Variants in TBCK observed in about 807,000 individuals in gnomAD.
TBCK encodes TBC1 domain containing kinase, also known as TBC domain-containing protein kinase-like protein.
Under a neutral mutation model 113.4 loss-of-function variants are expected in TBCK, and 99 were observed. The ratio of observed to expected loss-of-function variants is 0.87; its 90% confidence interval spans 0.74 to 1.03. TBCK has a LOEUF of 1.03. Ranked by LOEUF, TBCK falls within the 50% of genes least tolerant of loss-of-function variation. The pLI, the probability that TBCK is intolerant of heterozygous loss-of-function variation, is 0.00. For missense variants in TBCK, 1,045 were observed against 1,061.3 expected (o/e 0.98, Z 0.21); for synonymous variants, 369 against 370.8 (o/e 1.00, Z 0.05).
intron 11 of TBCK, among the ~76,000 whole-genome samples, chr4:106,242,949 G>A (rs1398860207): frequency 6.9e-6 from 1 of 145,144 alleles, no homozygotes. Context: ...ACCTATGAGT[G>A]AGAATATGCG....
intron 3 of TBCK, among the ~76,000 whole-genome samples, chr4:106,288,440 T>C (rs551287027): frequency 1.8e-4 from 27 of 152,236 alleles, no homozygotes; most frequent in African/African-American, 6.0e-4. Context: ...GTAAAATGCA[T>C]ATATTATACA....
At position 106,225,482 on chromosome 4, in the gene TBCK, C is replaced by T. The variant is rs570824820; in HGVS notation, c.1774+4881G>A. Among the ~76,000 whole-genome samples, 107 of 151,988 alleles carry T rather than the reference C, an allele frequency of 7.0e-4. 4 individuals carry two copies. Among genetic ancestry groups the T allele is most frequent in the Middle Eastern group, 3.4e-3 (1 of 292 alleles). On this transcript the variant is annotated intron_variant, in intron 19 of 25. Transcript: ENST00000394708. ...GTCTTTTTTTTGTTTGTTTTTGAGA[C>T]GGAGTCTCGCTCTGTCACCCAGGCT... is the stretch of plus-strand genomic sequence containing the variant.
At chr4:106,250,885 C>T (rs73838175) in intron 6 of TBCK, among the ~76,000 whole-genome samples, 2,787 of 151,974 alleles carry the variant, frequency 0.018, 78 homozygotes, top group African/African-American at 0.061. Flanking sequence ...TATCATGATT[C>T]GGTTAGTCTG....
intron 20 of TBCK, among the ~76,000 whole-genome samples, chr4:106,208,758 G>C (rs752379326): frequency 6.6e-6 from 1 of 152,110 alleles, no homozygotes; most frequent in African/African-American, 2.4e-5. Context: ...AATGGGAGAA[G>C]GGACCTCTGG....
chr4:106,225,227 A>AT (rs570060626), intron 19 of TBCK, among the ~76,000 whole-genome samples: 12 of 151,358 alleles, frequency 7.9e-5, no homozygotes, highest in South Asian at 4.2e-4. Flanking sequence ...TTGTCTATTG[A>AT]TTTTTTTTTA....
intron 22 of TBCK, among the ~76,000 whole-genome samples, chr4:106,187,385 C>A (rs1469025678): frequency 6.6e-6 from 1 of 151,738 alleles, no homozygotes. Flanking sequence ...GAATGTTTTT[C>A]CATTTGTTTG....
chr4:106,203,896 A>G (rs1424208710), intron 20 of TBCK, among the ~76,000 whole-genome samples: 1 of 152,192 alleles, frequency 6.6e-6, no homozygotes, highest in Non-Finnish European at 1.5e-5. Context: ...AAAGATTAAA[A>G]TTCAAAGTGG....
chr4:106,223,971 T>C (rs564227163), intron 19 of TBCK, among the ~76,000 whole-genome samples: 17 of 152,300 alleles, frequency 1.1e-4, no homozygotes, highest in African/African-American at 4.1e-4. Flanking sequence ...CAACAGCCAA[T>C]CCTGAGTTGC....
At chr4:106,143,215 T>C (rs1200379439) in intron 23 of TBCK, among the ~76,000 whole-genome samples, 3 of 152,212 alleles carry the variant, frequency 2.0e-5, no homozygotes, top group African/African-American at 4.8e-5. Flanking sequence ...CAATATATTC[T>C]AGAAATACTC....
At chr4:106,066,985 A>G (rs1736722275) in intron 25 of TBCK, among the ~76,000 whole-genome samples, 1 of 152,066 alleles carries the variant, frequency 6.6e-6, no homozygotes, top group African/African-American at 2.4e-5. Context: ...TTGGTGTACA[A>G]TATCTGTTTG....
chr4:106,256,771 C>T (rs941872764), intron 5 of TBCK, among the ~76,000 whole-genome samples: 2 of 152,184 alleles, frequency 1.3e-5, no homozygotes, highest in African/African-American at 4.8e-5. Context: ...TGGTAGTGGC[C>T]ATCCCAGACA....
intron 3 of TBCK, among the ~76,000 whole-genome samples, chr4:106,288,289 G>A (rs1351395247): frequency 1.3e-5 from 2 of 152,036 alleles, no homozygotes; most frequent in Non-Finnish European, 2.9e-5. Context: ...AGCTACTCAG[G>A]AGGCTGAGAC....
At chr4:106,289,800 A>C (rs72878508) in intron 3 of TBCK, among the ~76,000 whole-genome samples, 3,883 of 151,558 alleles carry the variant, frequency 0.026, 159 homozygotes, top group African/African-American at 0.089. Flanking sequence ...AAGACGATTG[A>C]TGTATTATCA....
intron 24 of TBCK, among the ~76,000 whole-genome samples, chr4:106,111,029 G>A (rs1025769301): frequency 6.6e-6 from 1 of 151,346 alleles, no homozygotes; most frequent in African/African-American, 2.4e-5. Flanking sequence ...GGAGCCACTA[G>A]CCCATTTACA....
At chr4:106,065,112 T>C (rs1305494472) in intron 25 of TBCK, among the ~76,000 whole-genome samples, 1 of 151,970 alleles carries the variant, frequency 6.6e-6, no homozygotes, top group Admixed American at 6.6e-5. Flanking sequence ...ATAAAAATTC[T>C]CCTTTATATC....
At chr4:106,298,374 G>A (rs889094210) in intron 2 of TBCK, among the ~76,000 whole-genome samples, 1 of 151,958 alleles carries the variant, frequency 6.6e-6, no homozygotes, top group Non-Finnish European at 1.5e-5. Flanking sequence ...AGCACTTTGG[G>A]AGGCAGGCGG....
At chr4:106,200,029 A>C (rs1754697985) in intron 20 of TBCK, among the ~76,000 whole-genome samples, 1 of 152,318 alleles carries the variant, frequency 6.6e-6, no homozygotes, top group African/African-American at 2.4e-5. Flanking sequence ...AAAACTATGT[A>C]ATATGGCCCT....
intron 25 of TBCK, among the ~76,000 whole-genome samples, chr4:106,050,695 T>C (rs2149444763): frequency 6.6e-6 from 1 of 152,186 alleles, no homozygotes; most frequent in South Asian, 2.1e-4. Flanking sequence ...ACTATAGGGC[T>C]ACATCCCATG....
chr4:106,206,707 G>A (rs1420754306), intron 20 of TBCK, among the ~76,000 whole-genome samples: 2 of 152,134 alleles, frequency 1.3e-5, no homozygotes, highest in African/African-American at 4.8e-5. Flanking sequence ...ACAACATAAT[G>A]AAGATAAAGA....
Sources: allele counts gnomAD v4.1 joint callset (sites outside exome capture counted in the v4.1 genomes callset), GRCh38; gene constraint gnomAD v4.1.1; transcripts MANE v1.5; gene names NCBI Gene and HGNC (gene_info 2026-07-23, HGNC 2026-07-21).